Variants in TTC22 observed in about 807,000 individuals in gnomAD.
TTC22 encodes tetratricopeptide repeat protein 22.
In TTC22, 42 loss-of-function variants were observed where a neutral mutation model predicts 48.2. The observed-to-expected ratio is 0.87, with a 90% CI of 0.68 to 1.13. The LOEUF is 1.13. TTC22 is among the 50% of genes most tolerant of loss of function. The pLI is 0.00. For missense variants in TTC22, 784 were observed against 807.0 expected (o/e 0.97, Z 0.34); for synonymous variants, 345 against 365.5 (o/e 0.94, Z 0.64).
Position 54,779,713 on chromosome 1 carries a change from T to C in TTC22, c.*1530A>G, listed in dbSNP as rs936656655. Reference sequence around the variant, plus strand: ...CTTTAACATATAAACACTGAATACTTTAGTGTTGATCAGTTTATTAGTATT... The same window carrying C: ...CTTTAACATATAAACACTGAATACTCTAGTGTTGATCAGTTTATTAGTATT... On this transcript the variant is annotated 3_prime_UTR_variant, in exon 7 of 7. Transcript: ENST00000371276. 19 of 152,108 alleles carry C rather than the reference T, an allele frequency of 1.2e-4. No homozygotes were observed. Among genetic ancestry groups the C allele is most frequent in the Middle Eastern group, 3.2e-3 (1 of 316 alleles). 9.4% of individuals were successfully genotyped at this position (152,108 alleles called of 1,614,324 possible).
Position 54,781,566 on chromosome 1 carries a change from C to A in TTC22, c.1387G>T (p.Asp463Tyr). 6.6e-7 allele frequency: 1 copy of A among 1,521,784 alleles called. No homozygotes were observed. The highest frequency in any genetic ancestry group is 8.8e-7 in the Non-Finnish European group (1 of 1,141,560). The allele number at this position is 1,521,784 out of a possible 1,614,324, so 94.3% of individuals were successfully genotyped here. The change falls in exon 7 of 7, where the codon GAC (aspartate) becomes TAC (tyrosine). Residue 463 changes from aspartate (D) to tyrosine (Y), a missense_variant. By Grantham distance (160) the Asp-to-Tyr change is radical (BLOSUM62 -3). Coordinates refer to ENST00000371276, the MANE Select transcript of TTC22 (RefSeq NM_001114108.2). ...CCGTCGGTGTGGCTGGAGCCCGCGT[C>A]GTCCAGCTCCACTGCGCGCTTGAAG... The part of the protein sequence containing the change: ...ACFKRAVELD[D>Y]AGSSHTDGFG...
At chr1:54,789,307 A>AG (rs1376558757) in intron 1 of TTC22, among the ~76,000 whole-genome samples, 1 of 152,078 alleles carries the variant, frequency 6.6e-6, no homozygotes, top group East Asian at 1.9e-4. Context: ...GGGCTTAAGG[A>AG]GGGTCTTGGG....
chr1:54,795,092 T>C (rs1557776096), intron 1 of TTC22, among the ~76,000 whole-genome samples: 1 of 152,188 alleles, frequency 6.6e-6, no homozygotes, highest in African/African-American at 2.4e-5. Flanking sequence ...GTGGTGATGC[T>C]CTTGTGCTCC....
At chr1:54,788,819 C>G (rs78852285) in intron 1 of TTC22, among the ~76,000 whole-genome samples, 10 of 152,256 alleles carry the variant, frequency 6.6e-5, no homozygotes, top group African/African-American at 2.2e-4. Flanking sequence ...CTCTCTACCC[C>G]CGTCCCCAGC....
rs1486539134 is a variant in TTC22 at position 54,787,811 on chromosome 1, G to C, written c.639C>G (p.Phe213Leu). 6.2e-7 allele frequency: 1 copy of C among 1,610,610 alleles called. No individual in the cohort carries two copies. Among genetic ancestry groups the C allele is most frequent in the Non-Finnish European group, 8.5e-7 (1 of 1,178,394 alleles). Reference protein sequence around the residue: ...ATLYIRLDGIFLELGSEEQKR... With the variant: ...ATLYIRLDGILLELGSEEQKR... The stretch of plus-strand genomic sequence containing the variant: ...TCTGCTCCTCACTGCCCAGCTCCAG[G>C]AAGATGCCATCTAGCCTGTGGCCGA... Residue 213 changes from phenylalanine (F) to leucine (L), a missense_variant, in exon 3 of 7, where the codon TTC becomes TTG. By Grantham distance (22) the Phe-to-Leu change is conservative. Coordinates refer to ENST00000371276, the MANE Select transcript of TTC22 (RefSeq NM_001114108.2).
At chr1:54,792,313 T>C (rs966793913) in intron 1 of TTC22, among the ~76,000 whole-genome samples, 12 of 152,212 alleles carry the variant, frequency 7.9e-5, no homozygotes, top group South Asian at 2.1e-4. Flanking sequence ...ACAGAATTAA[T>C]GGGATACACA....
intron 3 of TTC22, 26 bp from the exon 4 acceptor site, chr1:54,787,101 C>A: frequency 1.5e-6 from 2 of 1,305,232 alleles, no homozygotes; most frequent in Non-Finnish European, 2.1e-6. Flanking sequence ...GGGAGAGGGT[C>A]TCTAGGAAGC....
At chr1:54,787,577 G>T in intron 3 of TTC22, 134 bp downstream of exon 3, 1 of 689,678 alleles carries the variant, frequency 1.4e-6, no homozygotes, top group Non-Finnish European at 2.6e-6. Flanking sequence ...GTGCACAGAT[G>T]AGTGTAGGGG....
At chr1:54,784,562 A>T (rs1646285933) in intron 5 of TTC22, 13 of 1,020,302 alleles carry the variant, frequency 1.3e-5, no homozygotes, top group Non-Finnish European at 1.5e-5. Context: ...GCTTGATGAA[A>T]TGCAGAATTT....
At chr1:54,792,664 T>C (rs12145898) in intron 1 of TTC22, among the ~76,000 whole-genome samples, 14,293 of 152,176 alleles carry the variant, frequency 0.094, 844 homozygotes, top group Non-Finnish European at 0.14. Context: ...AACTTCCGAC[T>C]TCGGGTGATC....
chr1:54,800,769 A>T lies in TTC22; in HGVS notation c.395T>A (p.Leu132Gln). ...CAARLADLMG[L>Q]AEEPEAAGDP... is the part of the protein sequence containing the mutation. ...CCCGGCGGCCTCGGGCTCCTCTGCC[A>T]GGCCCATGAGGTCGGCCAGCCGTGC... is the stretch of plus-strand genomic sequence containing the variant. Residue 132 changes from leucine (L) to glutamine (Q), a missense_variant, in exon 1 of 7, where the codon CTG (leucine) becomes CAG (glutamine). Transcript: ENST00000371276. 1 of 1,554,878 alleles carries T rather than the reference A, an allele frequency of 6.4e-7. No individual in the cohort carries two copies. Among genetic ancestry groups the T allele is most frequent in the Non-Finnish European group, 8.7e-7 (1 of 1,152,692 alleles).
intron 5 of TTC22, 123 bp from the exon 6 acceptor site, chr1:54,782,600 A>C (rs1036386779): frequency 8.1e-6 from 9 of 1,108,712 alleles, no homozygotes; most frequent in Admixed American, 2.9e-5. Context: ...TTGCAGTAGA[A>C]AGACCCTGAG....
intron 6 of TTC22, 82 bp downstream of exon 6, chr1:54,782,243 C>G: frequency 7.2e-7 from 1 of 1,391,124 alleles, no homozygotes. Context: ...TCCTCTGCAT[C>G]TTGGCCTAGC....
chr1:54,782,391 G>A lies in TTC22; in HGVS notation c.1107C>T (p.Ala369=). The A allele has an allele frequency of 1.3e-6, 2 of 1,551,424 alleles. No individual in the cohort carries two copies. Among genetic ancestry groups the A allele is most frequent in the Non-Finnish European group, 8.7e-7 (1 of 1,146,892 alleles). ...GMPDRNHLAC[A]KADLEEVVRV... is the part of the protein sequence containing the mutation. ...TGACCACTTCCTCAAGGTCAGCCTT[G>A]GCACAGGCCAGGTGGTTCCTGTCAG... The change falls in exon 6 of 7, where the codon GCC becomes GCT. Residue 369 remains alanine, a synonymous_variant. Transcript: ENST00000371276.
intron 1 of TTC22, among the ~76,000 whole-genome samples, chr1:54,789,367 C>A (rs1172331833): frequency 6.6e-6 from 1 of 152,222 alleles, no homozygotes; most frequent in Non-Finnish European, 1.5e-5. Context: ...CTCCCGTGAG[C>A]AGAGGCCTGG....
rs756907259 is a variant in TTC22, at chr1:54,784,749, GAGA to G, written c.1020+1231_1020+1233del. ...CCACTAGGTCATGTGGATAGTAGTG[GAGA>G]AGATGAGGGGATGGGAGGACTCTTC... is the stretch of plus-strand genomic sequence containing the variant. On this transcript the variant is annotated intron_variant, in intron 5 of 6. Transcript: ENST00000371276. 2.1e-5 allele frequency: 27 copies of G among 1,292,212 alleles called. No homozygotes were observed. The South Asian group carries it at 3.4e-4, about 16-fold the overall frequency. 80.0% of individuals were successfully genotyped at this position (1,292,212 alleles called of 1,614,324 possible).
chr1:54,791,334 C>T (rs1408050660), intron 1 of TTC22, among the ~76,000 whole-genome samples: 4 of 152,106 alleles, frequency 2.6e-5, no homozygotes, highest in South Asian at 2.1e-4. Context: ...GGTGGGAAAG[C>T]GAAGAGCTGA....
chr1:54,787,668 A>G, intron 3 of TTC22, 43 bp downstream of exon 3: 1 of 1,463,114 alleles, frequency 6.8e-7, no homozygotes, highest in Non-Finnish European at 9.5e-7. Flanking sequence ...GGCTGTTGGC[A>G]GGGGGCAGAG....
At position 54,781,135 on chromosome 1, in the gene TTC22, T is replaced by C; in HGVS notation, c.*108A>G. Reference sequence around the variant, plus strand: ...ATTCCCGACCAAGAATCGAACTGGCTCCGCTCCCAGGTCAGCCTAAGGCAG... The same window carrying C: ...ATTCCCGACCAAGAATCGAACTGGCCCCGCTCCCAGGTCAGCCTAAGGCAG... On this transcript the variant is annotated 3_prime_UTR_variant, in exon 7 of 7. Transcript: ENST00000371276. 1.3e-6 allele frequency: 1 copy of C among 792,400 alleles called. No individual in the cohort carries two copies. The highest frequency in any genetic ancestry group is 1.8e-6 in the Non-Finnish European group (1 of 566,262). The allele number at this position is 792,400 out of a possible 1,614,324, so 49.1% of individuals were successfully genotyped here.
Sources: allele counts gnomAD v4.1 joint callset (sites outside exome capture counted in the v4.1 genomes callset), GRCh38; gene constraint gnomAD v4.1.1; transcripts MANE v1.5; gene names NCBI Gene and HGNC (gene_info 2026-07-23, HGNC 2026-07-21).